ZP3: variants seen among roughly 807,000 people sequenced by gnomAD.
ZP3 encodes zona pellucida glycoprotein 3.
Under a neutral mutation model 35.6 loss-of-function variants are expected in ZP3, and 21 were observed. The observed-to-expected ratio is 0.59, with a 90% CI of 0.42 to 0.85. The LOEUF (loss-of-function observed/expected upper bound fraction) is 0.85, where lower values mean the gene tolerates loss of function less well. Ranked by LOEUF, ZP3 falls within the 40% of genes least tolerant of loss-of-function variation. ZP3 has a pLI of 0.00. For synonymous variants in ZP3, 207 were observed against 214.5 expected, an observed-to-expected ratio of 0.96 and a Z score of 0.31; for missense variants, 437 against 536.5, an observed-to-expected ratio of 0.81 and a Z score of 1.83.
chr7:76,438,538 G>GAGAAA (rs1806096574), intron 5 of ZP3, among the ~76,000 whole-genome samples: 1 of 88,560 alleles, frequency 1.1e-5, no homozygotes, highest in Non-Finnish European at 2.0e-5. Flanking sequence ...CTCCGTCTCA[G>GAGAAA]AAAAAAAAAA....
chr7:76,426,874 C>CCACA (rs369991319), intron 1 of ZP3, among the ~76,000 whole-genome samples: 265 of 126,762 alleles, frequency 2.1e-3, no homozygotes, highest in Middle Eastern at 8.1e-3. Flanking sequence ...CTACCAAACA[C>CCACA]CACACACACA....
intron 1 of ZP3, among the ~76,000 whole-genome samples, chr7:76,413,807 C>T (rs922373370): frequency 1.3e-5 from 2 of 151,982 alleles, no homozygotes; most frequent in Non-Finnish European, 2.9e-5. Context: ...GCTGGGACTA[C>T]AGGCGTGCGC....
intron 1 of ZP3, among the ~76,000 whole-genome samples, chr7:76,406,812 C>G (rs1805050279): frequency 6.6e-6 from 1 of 151,476 alleles, no homozygotes. Context: ...CAAGGCCTTT[C>G]CACCCAAAAT....
chr7:76,431,516 C>G (rs1239564677), intron 2 of ZP3, among the ~76,000 whole-genome samples: 1 of 152,098 alleles, frequency 6.6e-6, no homozygotes, highest in Non-Finnish European at 1.5e-5. Flanking sequence ...TGCAGATACC[C>G]AGACCTGCTT....
At chr7:76,408,871 G>A (rs951189732) in intron 1 of ZP3, among the ~76,000 whole-genome samples, 8 of 152,110 alleles carry the variant, frequency 5.3e-5, no homozygotes, top group Admixed American at 2.0e-4. Context: ...CTACAGTACA[G>A]CCGGCAGCCT....
chr7:76,427,523 A>C (rs1805704487), intron 1 of ZP3, among the ~76,000 whole-genome samples: 1 of 151,700 alleles, frequency 6.6e-6, no homozygotes, highest in South Asian at 2.1e-4. Flanking sequence ...CTCAAAAAAA[A>C]AAAAAAAAAA....
chr7:76,419,734 T>C (rs1244883680), intron 1 of ZP3, among the ~76,000 whole-genome samples: 1 of 150,396 alleles, frequency 6.6e-6, no homozygotes, highest in Non-Finnish European at 1.5e-5. Flanking sequence ...TCTATCTCTT[T>C]CTTTCTTTCT....
At chr7:76,438,154 G>C (rs1294659736) in intron 5 of ZP3, among the ~76,000 whole-genome samples, 4 of 152,246 alleles carry the variant, frequency 2.6e-5, no homozygotes, top group Admixed American at 2.0e-4. Flanking sequence ...TTTTAGCCCT[G>C]CCTGAAATAT....
intron 1 of ZP3, among the ~76,000 whole-genome samples, chr7:76,426,018 G>A (rs1275664302): frequency 1.3e-5 from 2 of 151,806 alleles, no homozygotes; most frequent in Admixed American, 6.6e-5. Flanking sequence ...AGGAGGCAAA[G>A]GTTGCAGTGA....
intron 5 of ZP3, among the ~76,000 whole-genome samples, chr7:76,439,131 C>CAAAAAAAAA (rs775953355): frequency 1.3e-5 from 1 of 75,436 alleles, no homozygotes; most frequent in African/African-American, 5.6e-5. Flanking sequence ...GACTCCACCT[C>CAAAAAAAAA]AAAAAAAAAA....
intron 1 of ZP3, chr7:76,400,139 G>T: frequency 1.1e-6 from 1 of 910,408 alleles, no homozygotes; most frequent in East Asian, 3.3e-5. Flanking sequence ...CCAGGCTGGG[G>T]TTCTTCCCTG....
intron 2 of ZP3, among the ~76,000 whole-genome samples, chr7:76,431,795 A>G (rs1378971010): frequency 6.7e-6 from 1 of 149,910 alleles, no homozygotes; most frequent in East Asian, 2.0e-4. Flanking sequence ...GCTATTTGGG[A>G]GGCTGAGGCA....
At chr7:76,428,141 C>T (rs1042479957) in intron 1 of ZP3, among the ~76,000 whole-genome samples, 1 of 145,824 alleles carries the variant, frequency 6.9e-6, no homozygotes, top group Non-Finnish European at 1.5e-5. Context: ...GCCTGGCTAA[C>T]ATGGCGAAAC....
intron 5 of ZP3, among the ~76,000 whole-genome samples, chr7:76,435,318 A>G (rs1805960144): frequency 6.6e-6 from 1 of 152,228 alleles, no homozygotes; most frequent in East Asian, 1.9e-4. Context: ...ATGCCTGGCT[A>G]ATTTTTTTGT....
intron 1 of ZP3, among the ~76,000 whole-genome samples, chr7:76,399,918 G>C (rs76963465): frequency 0.031 from 4,688 of 152,214 alleles, 139 homozygotes; most frequent in East Asian, 0.14. Context: ...TTGAGCCCAG[G>C]AGTTTGAGGC....
chr7:76,423,781 G>C (rs1805577844), upstream of ZP3, among the ~76,000 whole-genome samples: 1 of 151,964 alleles, frequency 6.6e-6, no homozygotes, highest in Non-Finnish European at 1.5e-5. Context: ...AGAATTGCTT[G>C]AACCTGGGAG....
At chr7:76,410,826 C>T (rs957568310) in intron 1 of ZP3, among the ~76,000 whole-genome samples, 1 of 151,714 alleles carries the variant, frequency 6.6e-6, no homozygotes, top group Non-Finnish European at 1.5e-5. Context: ...GAAACCCCGT[C>T]TCTACTAAAA....
At chr7:76,413,863 C>T (rs1047978181) in intron 1 of ZP3, among the ~76,000 whole-genome samples, 1 of 152,010 alleles carries the variant, frequency 6.6e-6, no homozygotes, top group African/African-American at 2.4e-5. Flanking sequence ...GACAAAGTCT[C>T]ACTATGTTGC....
chr7:76,426,907 C>CACACACACACACA (rs57796274), intron 1 of ZP3, among the ~76,000 whole-genome samples: 2 of 126,870 alleles, frequency 1.6e-5, no homozygotes, highest in Non-Finnish European at 3.3e-5. Flanking sequence ...CACACACACA[C>CACACACACACACA]AATAGGGTGT....
Sources: gnomAD v4.1 joint callset for allele counts (sites outside exome capture counted in the v4.1 genomes callset) on GRCh38, gnomAD v4.1.1 for gene constraint, MANE v1.5 for transcripts, NCBI Gene and HGNC (gene_info 2026-07-23, HGNC 2026-07-21) for gene names.